CHODL: variants seen among roughly 807,000 people sequenced by gnomAD.
CHODL encodes transmembrane protein MT75.
Under a neutral mutation model 34.5 loss-of-function variants are expected in CHODL, and 29 were observed. The ratio of observed to expected loss-of-function variants is 0.84; its 90% CI spans 0.63 to 1.15. The LOEUF (loss-of-function observed/expected upper bound fraction) is 1.15. Ranked by LOEUF, CHODL falls within the 50% of genes most tolerant of loss-of-function variation. CHODL has a pLI of 0.00. For missense variants in CHODL, 332 were observed against 332.5 expected (o/e 1.00, Z 0.01); for synonymous variants, 125 against 116.1 (o/e 1.08, Z -0.49).
intron 2 of CHODL, among the ~76,000 whole-genome samples, chr21:18,223,769 T>C (rs1447533131): frequency 1.3e-5 from 2 of 152,064 alleles, no homozygotes; most frequent in African/African-American, 2.4e-5. Context: ...AAACTTCTGT[T>C]GTCTAAAGCC....
chr21:17,924,465 A>G lies in CHODL; in HGVS notation c.-145+7065A>G, dbSNP rs549754320. Among the ~76,000 whole-genome samples, 20 of 152,336 alleles carry G rather than the reference A, an allele frequency of 1.3e-4. No individual in the cohort carries two copies. In the East Asian group the frequency reaches 2.9e-3, roughly 22 times the overall value. On this transcript the variant is annotated intron_variant, in intron 1 of 6. Transcript: ENST00000400127. Reference sequence around the variant, plus strand: ...GATCACAACTGTGTCACCATGGAGCAGCTGTGCACTTTCCTGCCAACTCCT... The same window carrying G: ...GATCACAACTGTGTCACCATGGAGCGGCTGTGCACTTTCCTGCCAACTCCT...
At chr21:18,232,416 T>C (rs1213014922) in intron 2 of CHODL, among the ~76,000 whole-genome samples, 1 of 152,076 alleles carries the variant, frequency 6.6e-6, no homozygotes, top group Non-Finnish European at 1.5e-5. Context: ...ATTTAGTGTC[T>C]AGTGAGGGCC....
intron 1 of CHODL, among the ~76,000 whole-genome samples, chr21:17,926,994 G>T (rs112450791): frequency 1.3e-5 from 2 of 149,152 alleles, no homozygotes; most frequent in South Asian, 4.2e-4. Context: ...ACACACACAC[G>T]CACACACACA....
At chr21:18,149,623 T>G (rs1459240595) in intron 2 of CHODL, among the ~76,000 whole-genome samples, 1 of 152,192 alleles carries the variant, frequency 6.6e-6, no homozygotes, top group Non-Finnish European at 1.5e-5. Flanking sequence ...AAGCTACATC[T>G]CAATGATAAT....
chr21:17,927,589 G>A (rs985127830), intron 1 of CHODL, among the ~76,000 whole-genome samples: 24 of 152,128 alleles, frequency 1.6e-4, no homozygotes, highest in African/African-American at 5.8e-4. Flanking sequence ...CCTGCCCTGG[G>A]GCTCCTGCTT....
At chr21:17,957,175 A>G (rs887206400) in intron 1 of CHODL, among the ~76,000 whole-genome samples, 3 of 152,180 alleles carry the variant, frequency 2.0e-5, no homozygotes, top group African/African-American at 7.2e-5. Context: ...TGCTTTATCA[A>G]CTGTGCCTCT....
chr21:18,261,175 CTT>C (rs1396540536), intron 4 of CHODL, among the ~76,000 whole-genome samples: 2 of 152,140 alleles, frequency 1.3e-5, no homozygotes, highest in African/African-American at 4.8e-5. Flanking sequence ...ATGATGATGA[CTT>C]TTAATTTACA....
rs1428059986 is a variant in CHODL, at chr21:18,171,173, T to C, written c.-44-85336T>C. 5.1e-4 allele frequency among the ~76,000 whole-genome samples: 43 copies of C among 84,638 alleles called. 1 individual carries two copies. The highest frequency in any genetic ancestry group is 1.6e-3 in the African/African-American group (38 of 24,312). 55.5% of individuals were successfully genotyped at this position (84,638 alleles called of 152,430 possible). On this transcript the variant is annotated intron_variant, in intron 2 of 6. Coordinates refer to the CHODL transcript ENST00000400127. Reference sequence around the variant, plus strand: ...ACATTGTTCTCATACTTTTTTTTTTTGTTCTTCAGACATGGTTTTCTTTAG... The same window carrying C: ...ACATTGTTCTCATACTTTTTTTTTTCGTTCTTCAGACATGGTTTTCTTTAG...
chr21:18,025,577 A>T (rs2064166810), intron 1 of CHODL, among the ~76,000 whole-genome samples: 1 of 152,224 alleles, frequency 6.6e-6, no homozygotes, highest in South Asian at 2.1e-4. Flanking sequence ...AATTTTCAAG[A>T]TATGACATAA....
chr21:18,201,093 A>T (rs1410020002), intron 2 of CHODL, among the ~76,000 whole-genome samples: 1 of 152,212 alleles, frequency 6.6e-6, no homozygotes, highest in Non-Finnish European at 1.5e-5. Context: ...ACTAAAAAAA[A>T]TAGGTAATAT....
At chr21:17,957,600 A>G (rs2063502254) in intron 1 of CHODL, among the ~76,000 whole-genome samples, 2 of 152,148 alleles carry the variant, frequency 1.3e-5, no homozygotes, top group African/African-American at 2.4e-5. Flanking sequence ...TGTATTGCTC[A>G]TATTCTATAA....
intron 2 of CHODL, among the ~76,000 whole-genome samples, chr21:18,132,903 T>C (rs1348547577): frequency 6.6e-6 from 1 of 151,948 alleles, no homozygotes; most frequent in Non-Finnish European, 1.5e-5. Flanking sequence ...AAAGAGATTA[T>C]CTAGTATAAT....
At chr21:18,152,887 T>G (rs2072988304) in intron 2 of CHODL, among the ~76,000 whole-genome samples, 1 of 152,154 alleles carries the variant, frequency 6.6e-6, no homozygotes, top group Admixed American at 6.5e-5. Flanking sequence ...CTGACAGAAG[T>G]TAAGAGAAGG....
intron 1 of CHODL, among the ~76,000 whole-genome samples, chr21:17,997,683 A>G (rs989263849): frequency 5.3e-5 from 8 of 152,184 alleles, no homozygotes; most frequent in African/African-American, 1.9e-4. Context: ...CAAGAGAAAA[A>G]TGAGGAAAAA....
intron 1 of CHODL, among the ~76,000 whole-genome samples, chr21:17,937,075 C>T (rs1018754980): frequency 4.9e-5 from 6 of 121,942 alleles, no homozygotes; most frequent in Non-Finnish European, 8.4e-5. Context: ...GGGTGAGACT[C>T]CATCTCAAAA....
At chr21:18,103,146 T>C (rs1439920044) in intron 2 of CHODL, among the ~76,000 whole-genome samples, 1 of 152,120 alleles carries the variant, frequency 6.6e-6, no homozygotes, top group Non-Finnish European at 1.5e-5. Context: ...TCTTATAAAA[T>C]AGAAATAATA....
chr21:18,044,363 C>A (rs1403349585), intron 2 of CHODL, among the ~76,000 whole-genome samples: 1 of 151,862 alleles, frequency 6.6e-6, no homozygotes, highest in Non-Finnish European at 1.5e-5. Flanking sequence ...ATTAATTTTT[C>A]TTCAGTTAGG....
At chr21:18,166,603 C>T (rs540899443) in intron 2 of CHODL, among the ~76,000 whole-genome samples, 4 of 152,084 alleles carry the variant, frequency 2.6e-5, no homozygotes, top group East Asian at 3.9e-4. Context: ...TATGTGAGTA[C>T]GTCTGTCTGA....
chr21:17,991,264 G>A (rs567733754), intron 1 of CHODL, among the ~76,000 whole-genome samples: 36 of 152,034 alleles, frequency 2.4e-4, no homozygotes, highest in Non-Finnish European at 1.3e-4. Flanking sequence ...AGCAATAAAT[G>A]CTGGGGTGCA....
Sources: allele counts gnomAD v4.1 joint callset (sites outside exome capture counted in the v4.1 genomes callset), GRCh38; gene constraint gnomAD v4.1.1; transcripts MANE v1.5; gene names NCBI Gene and HGNC (gene_info 2026-07-23, HGNC 2026-07-21).